The following EPHA6 variants were observed in gnomAD, a reference collection of about 807,000 sequenced individuals.
EPHA6 encodes the protein ephrin type-A receptor 6.
Under a neutral mutation model 112.0 loss-of-function variants are expected in EPHA6, and 50 were observed. That is an observed-to-expected ratio of 0.45 (90% CI 0.36 to 0.56). EPHA6 has a LOEUF of 0.56. Among genes scored for constraint, EPHA6 ranks in the 20% least tolerant of loss-of-function variants. EPHA6 has a pLI of 0.00. For synonymous variants in EPHA6, 529 were observed against 490.7 expected, an observed-to-expected ratio of 1.08 and a Z score of -1.03; for missense variants, 1,280 against 1,417.4, an observed-to-expected ratio of 0.90 and a Z score of 1.56.
At chr3:96,921,016 AAG>A (rs2039731149) in intron 2 of EPHA6, among the ~76,000 whole-genome samples, 1 of 152,050 alleles carries the variant, frequency 6.6e-6, no homozygotes, top group African/African-American at 2.4e-5. Flanking sequence ...TGTGTAAGAA[AAG>A]AGTTAATTCT....
chr3:97,302,697 C>T (rs971421548), intron 5 of EPHA6, among the ~76,000 whole-genome samples: 3 of 151,646 alleles, frequency 2.0e-5, no homozygotes, highest in African/African-American at 7.3e-5. Context: ...TTGATCTTTG[C>T]CTGGAAAGTT....
intron 2 of EPHA6, among the ~76,000 whole-genome samples, chr3:96,971,132 T>C (rs1199146012): frequency 6.6e-6 from 1 of 152,070 alleles, no homozygotes; most frequent in Non-Finnish European, 1.5e-5. Context: ...TTAAGGCCTT[T>C]TGGACATACA....
intron 3 of EPHA6, among the ~76,000 whole-genome samples, chr3:97,015,676 G>A (rs1181286723): frequency 6.6e-6 from 1 of 152,128 alleles, no homozygotes; most frequent in Non-Finnish European, 1.5e-5. Context: ...ATAACAGAGT[G>A]GAAGGGGATC....
At chr3:97,660,599 C>G (rs2094163263) in intron 14 of EPHA6, among the ~76,000 whole-genome samples, 1 of 152,042 alleles carries the variant, frequency 6.6e-6, no homozygotes, top group African/African-American at 2.4e-5. Flanking sequence ...CTCATTAAAA[C>G]ATCATTCTGT....
intron 14 of EPHA6, among the ~76,000 whole-genome samples, chr3:97,649,756 ATC>A (rs1233137792): frequency 7.3e-6 from 1 of 136,344 alleles, no homozygotes; most frequent in Non-Finnish European, 1.6e-5. Context: ...AAACAACAAA[ATC>A]ACTATTCACA....
At chr3:97,332,198 A>C (rs2082835668) in intron 5 of EPHA6, among the ~76,000 whole-genome samples, 4 of 152,140 alleles carry the variant, frequency 2.6e-5, no homozygotes, top group Admixed American at 2.6e-4. Flanking sequence ...CCTTTGACAA[A>C]ATTCAACAAC....
chr3:97,240,840 A>C (rs2078824409), intron 4 of EPHA6, among the ~76,000 whole-genome samples: 1 of 151,872 alleles, frequency 6.6e-6, no homozygotes. Context: ...ACATCAGTCC[A>C]CCAAAAGAGT....
chr3:97,548,411 T>G (rs1411034944), intron 11 of EPHA6, among the ~76,000 whole-genome samples: 1 of 152,216 alleles, frequency 6.6e-6, no homozygotes, highest in Non-Finnish European at 1.5e-5. Flanking sequence ...TATTTTTCCC[T>G]TTTTGTAAAA....
chr3:97,730,304 T>C (rs373361916), intron 15 of EPHA6, among the ~76,000 whole-genome samples: 167 of 152,202 alleles, frequency 1.1e-3, no homozygotes, highest in African/African-American at 3.7e-3. Context: ...TGATTCTAGG[T>C]TGTTAAAAAT....
At chr3:97,446,903 C>T (rs1030657446) in intron 6 of EPHA6, among the ~76,000 whole-genome samples, 2 of 152,064 alleles carry the variant, frequency 1.3e-5, no homozygotes, top group East Asian at 3.8e-4. Flanking sequence ...GTATTTTATG[C>T]TAGGTTGATA....
chr3:97,331,279 G>T (rs956121173), intron 5 of EPHA6, among the ~76,000 whole-genome samples: 1 of 151,996 alleles, frequency 6.6e-6, no homozygotes, highest in African/African-American at 2.4e-5. Context: ...AGCACTAAAT[G>T]CCCACAAGAG....
chr3:97,270,477 T>C (rs1239915511), intron 5 of EPHA6, among the ~76,000 whole-genome samples: 1 of 152,242 alleles, frequency 6.6e-6, no homozygotes, highest in African/African-American at 2.4e-5. Flanking sequence ...TGCTATAGGG[T>C]ATGTTATTGC....
chr3:97,503,351 AT>A (rs1170939977), intron 10 of EPHA6, among the ~76,000 whole-genome samples: 1 of 152,170 alleles, frequency 6.6e-6, no homozygotes, highest in Non-Finnish European at 1.5e-5. Context: ...TAATATTAAA[AT>A]TTTGCTCCCT....
intron 14 of EPHA6, among the ~76,000 whole-genome samples, chr3:97,700,707 A>G (rs779377919): frequency 2.0e-5 from 3 of 152,232 alleles, no homozygotes; most frequent in African/African-American, 4.8e-5. Context: ...ACACACATAC[A>G]GTACACATAT....
intron 3 of EPHA6, among the ~76,000 whole-genome samples, chr3:97,154,128 G>A (rs2076234263): frequency 6.7e-6 from 1 of 149,888 alleles, no homozygotes; most frequent in African/African-American, 2.5e-5. Flanking sequence ...TCATGCCATT[G>A]CACCCCAGCC....
chr3:97,293,075 T>A (rs1046716944), intron 5 of EPHA6, among the ~76,000 whole-genome samples: 2 of 149,326 alleles, frequency 1.3e-5, no homozygotes, highest in African/African-American at 5.0e-5. Context: ...TAGCTCCTTT[T>A]CACAGGCAGG....
intron 3 of EPHA6, among the ~76,000 whole-genome samples, chr3:97,113,394 C>T (rs1021339002): frequency 2.0e-5 from 3 of 152,080 alleles, no homozygotes; most frequent in Admixed American, 1.3e-4. Context: ...CCACAGATTG[C>T]TGTGAAGCTA....
chr3:97,037,024 T>C (rs147948665), intron 3 of EPHA6, among the ~76,000 whole-genome samples: 1 of 152,134 alleles, frequency 6.6e-6, no homozygotes, highest in East Asian at 1.9e-4. Context: ...TTTTTAAGTA[T>C]ACTAATGAGG....
chr3:97,638,057 A>T lies in EPHA6; in HGVS notation c.2759A>T (p.Asp920Val), dbSNP rs745766753. 1 of 1,613,672 alleles carries T rather than the reference A, an allele frequency of 6.2e-7. No individual in the cohort carries two copies. The highest frequency in any genetic ancestry group is 1.7e-5 in the Admixed American group (1 of 59,984). ...GGTCTCTCCAGAGTGCTGGAAGATG[A>T]TCCAGAAGCTGCTTATACAACAACT... ...DFGLSRVLEDDPEAAYTTTGG... is the reference protein window; with the variant it reads ...DFGLSRVLEDVPEAAYTTTGG... Residue 920 changes from aspartate to valine, a missense_variant, in exon 14 of 18, where the codon GAT becomes GTT. Transcript: ENST00000389672.
Sources: gnomAD v4.1 joint callset for allele counts (sites outside exome capture counted in the v4.1 genomes callset) on GRCh38, gnomAD v4.1.1 for gene constraint, MANE v1.5 for transcripts, NCBI Gene and HGNC (gene_info 2026-07-23, HGNC 2026-07-21) for gene names.